RPH3A: variants seen among roughly 807,000 people sequenced by gnomAD.
The protein encoded by RPH3A is rabphilin 3A.
Under a neutral mutation model 102.2 loss-of-function variants are expected in RPH3A, and 48 were observed. That is an observed-to-expected ratio of 0.47 (90% CI 0.37 to 0.60). RPH3A has a LOEUF of 0.60. RPH3A is among the 20% of genes least tolerant of loss of function. The probability of loss-of-function intolerance (pLI) is 0.00; values close to 1 mark genes in which losing one functional copy is unlikely to be tolerated. For missense variants in RPH3A, 781 were observed against 910.1 expected (o/e 0.86, Z 1.83); for synonymous variants, 310 against 324.3 (o/e 0.96, Z 0.47).
chr12:112,650,012 C>T (rs994050045), intron 1 of RPH3A, among the ~76,000 whole-genome samples: 2 of 152,192 alleles, frequency 1.3e-5, no homozygotes, highest in African/African-American at 4.8e-5. Context: ...GTTGGGACTT[C>T]AACATGTGAA....
intron 1 of RPH3A, among the ~76,000 whole-genome samples, chr12:112,590,755 C>G (rs1351039321): frequency 6.6e-6 from 1 of 152,192 alleles, no homozygotes; most frequent in Non-Finnish European, 1.5e-5. Flanking sequence ...CTCTTAAAAT[C>G]TAAAACTAAT....
In RPH3A at chr12:112,609,693, A is replaced by G. The variant is rs2039623446; in HGVS notation, c.-140+34374A>G. On this transcript the variant is annotated intron_variant, in intron 1 of 21. Coordinates refer to the RPH3A transcript ENST00000543106. The stretch of plus-strand genomic sequence containing the variant: ...TGCTGCATCCCCAGTGCCTAGAGTC[A>G]GCACCTGTCAACATGCATGAATAAA... Among the ~76,000 whole-genome samples the G allele has an allele frequency of 2.6e-5, 4 of 152,284 alleles. No homozygotes were observed. In the South Asian group the frequency reaches 8.3e-4, roughly 32 times the overall value.
At chr12:112,651,167 C>G (rs1482358238) in intron 1 of RPH3A, among the ~76,000 whole-genome samples, 1 of 151,922 alleles carries the variant, frequency 6.6e-6, no homozygotes, top group Non-Finnish European at 1.5e-5. Flanking sequence ...CCAGACCAGC[C>G]TGGGCAACAT....
intron 16 of RPH3A, among the ~76,000 whole-genome samples, chr12:112,887,534 A>T (rs994239991): frequency 2.0e-5 from 3 of 152,198 alleles, no homozygotes; most frequent in Admixed American, 6.5e-5. Context: ...TTATATCTTG[A>T]CCTGGGTGGG....
At chr12:112,837,813 G>C (rs930601800) in intron 4 of RPH3A, 7 of 455,822 alleles carry the variant, frequency 1.5e-5, no homozygotes, top group Non-Finnish European at 3.1e-5. Flanking sequence ...TTGAAAGGTA[G>C]CATGTTCATC....
Position 112,879,112 on chromosome 12 carries a change from C to G in RPH3A, c.1172-7C>G, listed in dbSNP as rs377241609. ...GTTATCTTGGTTCCTGTCTCTGCCC[C>G]CTTCAGCCACCCTGGGTGCCCTGGA... On this transcript the variant is annotated splice_region_variant and splice_polypyrimidine_tract_variant and intron_variant, in intron 13 of 21. Coordinates refer to ENST00000389385, the MANE Select transcript of RPH3A (RefSeq NM_001143854.2). 33 of 1,613,256 alleles carry G rather than the reference C, an allele frequency of 2.0e-5. No homozygotes were observed. In the African/African-American group the frequency reaches 2.9e-4, roughly 14 times the overall value.
At chr12:112,819,265 C>T (rs2136135187) in intron 2 of RPH3A, among the ~76,000 whole-genome samples, 1 of 152,016 alleles carries the variant, frequency 6.6e-6, no homozygotes, top group East Asian at 1.9e-4. Context: ...ACCACCATGC[C>T]CAACTAATTT....
chr12:112,887,974 G>GCTGC (rs781716322), intron 17 of RPH3A, 51 bp downstream of exon 17: 3 of 1,599,510 alleles, frequency 1.9e-6, no homozygotes, highest in Non-Finnish European at 2.6e-6. Flanking sequence ...GATTGGGGGA[G>GCTGC]CTGCCTTCCT....
At chr12:112,882,508 C>A (rs10437844) in intron 15 of RPH3A, among the ~76,000 whole-genome samples, 20 of 152,176 alleles carry the variant, frequency 1.3e-4, no homozygotes, top group African/African-American at 4.8e-4. Context: ...CTGTTAAATA[C>A]CCCTGCAAGT....
intron 17 of RPH3A, among the ~76,000 whole-genome samples, chr12:112,888,543 A>G (rs1275507825): frequency 6.6e-6 from 1 of 152,252 alleles, no homozygotes; most frequent in Non-Finnish European, 1.5e-5. Context: ...CACTTAGGGT[A>G]TAACCTGAGG....
intron 1 of RPH3A, among the ~76,000 whole-genome samples, chr12:112,714,682 C>A (rs2040502393): frequency 6.6e-6 from 1 of 152,100 alleles, no homozygotes; most frequent in Admixed American, 6.6e-5. Flanking sequence ...TAATTCAGGG[C>A]AGACTCATAG....
At chr12:112,813,065 T>C (rs2041608328) in intron 2 of RPH3A, among the ~76,000 whole-genome samples, 1 of 152,338 alleles carries the variant, frequency 6.6e-6, no homozygotes, top group Middle Eastern at 3.4e-3. Context: ...TAGGTGCTGT[T>C]ATCATCCTTG....
intron 2 of RPH3A, among the ~76,000 whole-genome samples, chr12:112,827,072 G>A (rs1328247313): frequency 6.6e-6 from 1 of 152,136 alleles, no homozygotes; most frequent in Non-Finnish European, 1.5e-5. Flanking sequence ...GCTTTATTGA[G>A]ATATAACTCA....
intron 1 of RPH3A, among the ~76,000 whole-genome samples, chr12:112,717,548 A>T (rs2040522371): frequency 1.3e-5 from 2 of 152,074 alleles, no homozygotes; most frequent in Non-Finnish European, 2.9e-5. Context: ...TTTGAGATAC[A>T]TCAATGTTTT....
intron 1 of RPH3A, among the ~76,000 whole-genome samples, chr12:112,690,602 T>G (rs1323603238): frequency 6.6e-6 from 1 of 152,114 alleles, no homozygotes; most frequent in African/African-American, 2.4e-5. Context: ...TGAAAGAGTA[T>G]GATGTAAGAA....
chr12:112,598,497 T>A (rs1158622171), intron 1 of RPH3A, among the ~76,000 whole-genome samples: 1 of 152,204 alleles, frequency 6.6e-6, no homozygotes, highest in Non-Finnish European at 1.5e-5. Flanking sequence ...GATTTATACA[T>A]CATACTCTTA....
intron 5 of RPH3A, among the ~76,000 whole-genome samples, chr12:112,859,680 G>A (rs528995494): frequency 1.3e-5 from 2 of 152,302 alleles, no homozygotes; most frequent in East Asian, 3.9e-4. Flanking sequence ...GTTTCCATGG[G>A]ATGTGTCTCA....
chr12:112,640,492 C>G (rs1445805104), intron 1 of RPH3A, among the ~76,000 whole-genome samples: 1 of 151,812 alleles, frequency 6.6e-6, no homozygotes, highest in African/African-American at 2.4e-5. Context: ...CTCTCCTTTC[C>G]CTGTCTTCTC....
intron 1 of RPH3A, among the ~76,000 whole-genome samples, chr12:112,752,334 T>C (rs947208129): frequency 6.6e-6 from 1 of 152,208 alleles, no homozygotes; most frequent in African/African-American, 2.4e-5. Flanking sequence ...TATGTGTCTG[T>C]AACAAAAAAT....
Sources: allele counts gnomAD v4.1 joint callset (sites outside exome capture counted in the v4.1 genomes callset), GRCh38; gene constraint gnomAD v4.1.1; transcripts MANE v1.5; gene names NCBI Gene and HGNC (gene_info 2026-07-23, HGNC 2026-07-21).